PIEZO2: variants seen among roughly 807,000 people sequenced by gnomAD.
The protein encoded by PIEZO2 is piezo-type mechanosensitive ion channel component 2.
Under a neutral mutation model 337.3 loss-of-function variants are expected in PIEZO2, and 172 were observed. The ratio of observed to expected loss-of-function variants is 0.51; its 90% CI spans 0.45 to 0.58. PIEZO2 has a LOEUF of 0.58. Ranked by LOEUF, PIEZO2 falls within the 20% of genes least tolerant of loss-of-function variation. The pLI is 0.00. For missense variants in PIEZO2, 3,028 were observed against 3,391.3 expected (o/e 0.89, Z 2.66); for synonymous variants, 1,251 against 1,228.5 (o/e 1.02, Z -0.38).
In PIEZO2 at chr18:11,148,600, G is replaced by C. The variant is rs2040870126; in HGVS notation, c.-12C>G. 7 of 1,536,968 alleles carry C rather than the reference G, an allele frequency of 4.6e-6. No individual in the cohort carries two copies. Among genetic ancestry groups the C allele is most frequent in the Non-Finnish European group, 6.1e-6 (7 of 1,146,844 alleles). On this transcript the variant is annotated 5_prime_UTR_variant, in exon 1 of 56. Transcript: ENST00000674853. This position sits in a 1 kb window ranked among gnomAD's most constrained non-coding sequence, Gnocchi z 5.2. The stretch of plus-strand genomic sequence containing the variant: ...ACTTCTGAGGCCATCGCGTCGGTCC[G>C]GCGAGTCGGAGCAGAGGGGCGAGGC...
intron 14 of PIEZO2, among the ~76,000 whole-genome samples, chr18:10,789,895 G>A (rs2039352906): frequency 6.6e-6 from 1 of 151,962 alleles, no homozygotes; most frequent in African/African-American, 2.4e-5. Flanking sequence ...CAATTTAATG[G>A]ATCAAAATAA....
At chr18:11,082,442 A>T (rs2865138) in intron 1 of PIEZO2, among the ~76,000 whole-genome samples, 2 of 150,838 alleles carry the variant, frequency 1.3e-5, no homozygotes, top group Non-Finnish European at 3.0e-5. Flanking sequence ...CTCAGCCTCC[A>T]GAGTAGCTGG....
At chr18:10,736,011 C>T (rs1332274291) in intron 34 of PIEZO2, among the ~76,000 whole-genome samples, 3 of 152,208 alleles carry the variant, frequency 2.0e-5, no homozygotes, top group Non-Finnish European at 2.9e-5. Flanking sequence ...ACTCAATATG[C>T]TACATTAGGC....
At chr18:11,123,713 G>A (rs1156964386) in intron 1 of PIEZO2, among the ~76,000 whole-genome samples, 1 of 152,134 alleles carries the variant, frequency 6.6e-6, no homozygotes, top group South Asian at 2.1e-4. Context: ...GGGAGGCTGA[G>A]GCAGGAGGAT....
chr18:10,913,454 G>T (rs575093636), intron 3 of PIEZO2, among the ~76,000 whole-genome samples: 1 of 152,104 alleles, frequency 6.6e-6, no homozygotes, highest in Non-Finnish European at 1.5e-5. Context: ...CTCTTGCTTC[G>T]TGGAAGAAAC....
chr18:10,689,630 T>C (rs375337903), intron 49 of PIEZO2, 25 bp downstream of exon 49: 2 of 1,614,022 alleles, frequency 1.2e-6, no homozygotes, highest in Non-Finnish European at 1.7e-6. Flanking sequence ...CAGACAGGAA[T>C]AAGGCACATC....
chr18:10,823,386 A>T (rs867590819), intron 7 of PIEZO2, among the ~76,000 whole-genome samples: 15 of 152,218 alleles, frequency 9.9e-5, no homozygotes, highest in Middle Eastern at 3.2e-3. Context: ...GATGACTTAA[A>T]TTGTCCACTC....
At chr18:11,017,779 T>C (rs1471674465) in intron 2 of PIEZO2, among the ~76,000 whole-genome samples, 2 of 152,220 alleles carry the variant, frequency 1.3e-5, no homozygotes, top group Non-Finnish European at 2.9e-5. Context: ...ATTCATATCT[T>C]GATCTAAGTG....
intron 7 of PIEZO2, among the ~76,000 whole-genome samples, chr18:10,844,788 C>CAA (rs10709952): frequency 0.32 from 37,382 of 116,232 alleles, 5,889 homozygotes; most frequent in East Asian, 0.63. Context: ...GACTCTGTCT[C>CAA]AAAAAAAAAA....
intron 4 of PIEZO2, among the ~76,000 whole-genome samples, chr18:10,892,791 T>C (rs2042793588): frequency 6.6e-6 from 1 of 152,104 alleles, no homozygotes; most frequent in Non-Finnish European, 1.5e-5. Flanking sequence ...AAAATGTAAA[T>C]GAAGAAATCA....
At chr18:10,723,578 T>G (rs1056434724) in intron 36 of PIEZO2, among the ~76,000 whole-genome samples, 5 of 152,040 alleles carry the variant, frequency 3.3e-5, no homozygotes, top group Non-Finnish European at 1.5e-5. Context: ...ATGGAAAGAC[T>G]CCAGTAGAGA....
chr18:10,749,008 G>A (rs1035007979), intron 29 of PIEZO2, among the ~76,000 whole-genome samples: 1 of 152,068 alleles, frequency 6.6e-6, no homozygotes, highest in Admixed American at 6.6e-5. Context: ...CTGGGAATGG[G>A]CTATACCCAG....
intron 7 of PIEZO2, among the ~76,000 whole-genome samples, chr18:10,810,313 G>A (rs1187835181): frequency 6.6e-6 from 1 of 152,108 alleles, no homozygotes; most frequent in Non-Finnish European, 1.5e-5. Context: ...CAGACCCTTG[G>A]GGCCCACACT....
intron 3 of PIEZO2, among the ~76,000 whole-genome samples, chr18:10,960,010 G>A (rs951161835): frequency 8.6e-5 from 13 of 151,932 alleles, no homozygotes; most frequent in African/African-American, 3.1e-4. Context: ...ATATATAGAC[G>A]TTCATCTTTT....
At chr18:10,858,125 T>A (rs1336334449) in intron 5 of PIEZO2, among the ~76,000 whole-genome samples, 1 of 150,350 alleles carries the variant, frequency 6.7e-6, no homozygotes, top group Non-Finnish European at 1.5e-5. Context: ...ATCAAGACCA[T>A]CCTGGCCAAC....
intron 5 of PIEZO2, among the ~76,000 whole-genome samples, chr18:10,858,156 C>G (rs950618253): frequency 8.0e-5 from 12 of 150,644 alleles, no homozygotes; most frequent in Admixed American, 4.6e-4. Flanking sequence ...CCCGTCTCTA[C>G]TAAAAATACA....
At position 10,759,497 on chromosome 18, in the gene PIEZO2, G is replaced by A. The variant is rs1427177473; in HGVS notation, c.3742C>T (p.Pro1248Ser). The A allele has an allele frequency of 6.5e-7, 1 of 1,536,856 alleles. No individual in the cohort carries two copies. The highest frequency in any genetic ancestry group is 1.2e-5 in the South Asian group (1 of 84,030). Reference protein sequence around the residue: ...YFPDFIVRPNPVFLVYDFMLL... With the variant: ...YFPDFIVRPNSVFLVYDFMLL... The stretch of plus-strand genomic sequence containing the variant: ...AAACACTTACAGACGAGAAACACAG[G>A]GTTGGGCCGCACAATGAAATCTGGG... Residue 1248 changes from proline (P) to serine (S), a missense_variant, in exon 26 of 56, where the codon CCT (proline) becomes TCT (serine). Physicochemically the swap from Pro to Ser is moderately conservative, Grantham distance 74. Around this residue, in one of 5 missense-constraint regions of PIEZO2, gnomAD observed 1,925 missense variants for 2,051.9 expected, o/e 0.94. Transcript: ENST00000674853. The surrounding 1 kb of genome is among the most constrained non-coding windows in gnomAD (Gnocchi z 5.5).
At position 10,697,865 on chromosome 18, in the gene PIEZO2, C is replaced by G. The variant is rs764616937; in HGVS notation, c.6710G>C (p.Arg2237Pro). Residue 2237 changes from arginine to proline, a missense_variant, in exon 45 of 56, where the codon CGA becomes CCA. By Grantham distance (103) the Arg-to-Pro change is moderately radical. Coordinates refer to ENST00000674853, the MANE Select transcript of PIEZO2 (RefSeq NM_001378183.1). Reference sequence around the variant, plus strand: ...ACTGCTTCCTTTTTGACTGCTGTTTCGGGTGCTTGTGCTGCCTAGAAATAA... The same window carrying G: ...ACTGCTTCCTTTTTGACTGCTGTTTGGGGTGCTTGTGCTGCCTAGAAATAA... ...NRSQRGSTST[R>P]NSSQKGSSVL... The G allele has an allele frequency of 1.2e-6, 2 of 1,613,094 alleles. No individual in the cohort carries two copies. The highest frequency in any genetic ancestry group is 1.7e-6 in the Non-Finnish European group (2 of 1,179,386).
At chr18:10,858,767 C>G (rs1193517363) in intron 5 of PIEZO2, among the ~76,000 whole-genome samples, 2 of 152,090 alleles carry the variant, frequency 1.3e-5, no homozygotes, top group East Asian at 3.9e-4. Context: ...CTGGAGTTGA[C>G]TATTGATGAG....
Sources: allele counts gnomAD v4.1 joint callset (sites outside exome capture counted in the v4.1 genomes callset), GRCh38; gene constraint gnomAD v4.1.1; regional missense constraint gnomAD v4.1.1; non-coding constraint Gnocchi (gnomAD v3.1); transcripts MANE v1.5; gene names NCBI Gene and HGNC (gene_info 2026-07-23, HGNC 2026-07-21).